Variants in GYS2 observed in about 807,000 individuals in gnomAD.
GYS2 encodes the protein glycogen synthase 2.
In GYS2, 80 loss-of-function variants were observed where a neutral mutation model predicts 85.6. The ratio of observed to expected loss-of-function variants is 0.93; its 90% CI spans 0.78 to 1.13. The LOEUF (loss-of-function observed/expected upper bound fraction) is 1.13. Among genes scored for constraint, GYS2 ranks in the 50% most tolerant of loss-of-function variants. The pLI, the probability that GYS2 is intolerant of heterozygous loss-of-function variation, is 0.00. For synonymous variants in GYS2, 328 were observed against 300.7 expected (o/e 1.09, Z -0.94); for missense variants, 881 against 854.9 (o/e 1.03, Z -0.38).
chr12:21,559,575 G>A, intron 9 of GYS2, 76 bp downstream of exon 9: 1 of 841,308 alleles, frequency 1.2e-6, no homozygotes, highest in Admixed American at 1.8e-5. Flanking sequence ...AAATTAATAA[G>A]TTATGATGTC....
At chr12:21,562,263 A>T (rs1174233943) in intron 7 of GYS2, among the ~76,000 whole-genome samples, 1 of 152,106 alleles carries the variant, frequency 6.6e-6, no homozygotes, top group East Asian at 1.9e-4. Context: ...TAAAACTCTT[A>T]GTCGCAGGGA....
intron 1 of GYS2, among the ~76,000 whole-genome samples, chr12:21,587,558 G>T (rs987552403): frequency 2.0e-5 from 3 of 152,008 alleles, no homozygotes; most frequent in African/African-American, 4.8e-5. Flanking sequence ...GGACATGTTT[G>T]TTTCTTCTTC....
chr12:21,539,461 C>A, intron 14 of GYS2, 123 bp from the exon 15 acceptor site: 3 of 722,540 alleles, frequency 4.2e-6, no homozygotes, highest in South Asian at 1.5e-5. Context: ...GTGACAGAAT[C>A]TATGCAGTCT....
rs1447152221 is a variant in GYS2, at chr12:21,546,486, T to G, written c.1423-16A>C. The G allele has an allele frequency of 3.8e-6, 6 of 1,563,214 alleles. No homozygotes were observed. Among genetic ancestry groups the G allele is most frequent in the Non-Finnish European group, 5.2e-6 (6 of 1,144,632 alleles). ...GCAAAATCACCTAAAAAAGGAAAAT[T>G]CTAATTTAAAAAAAAAGAAAAAGGA... On this transcript the variant is annotated splice_polypyrimidine_tract_variant and intron_variant, in intron 11 of 15. Coordinates refer to ENST00000261195, the MANE Select transcript of GYS2 (RefSeq NM_021957.4).
intron 5 of GYS2, 81 bp from the exon 6 acceptor site, chr12:21,563,426 A>C: frequency 2.5e-6 from 2 of 787,120 alleles, no homozygotes; most frequent in Non-Finnish European, 4.6e-6. Flanking sequence ...CTTTAAAACT[A>C]TAAAGTTAGA....
chr12:21,569,972 A>G (rs1300105475), intron 4 of GYS2, among the ~76,000 whole-genome samples: 3 of 152,138 alleles, frequency 2.0e-5, no homozygotes, highest in Non-Finnish European at 4.4e-5. Context: ...TTGATCCTTA[A>G]TCAGCCTGAC....
Position 21,540,443 on chromosome 12 carries a change from G to C in GYS2, c.1776C>G (p.Leu592=), listed in dbSNP as rs753967875. ...RIIQRNRTER[L]SDLLDWRYLG... is the part of the protein sequence containing the mutation. ...AGTATCTCCAATCCAGAAGATCTGA[G>C]AGCCTCTCAGTTCTGTTCCTCTGGA... The change falls in exon 14 of 16, where the codon CTC becomes CTG. Residue 592 remains leucine (L), a synonymous_variant. Coordinates refer to ENST00000261195, the MANE Select transcript of GYS2 (RefSeq NM_021957.4). 1 of 1,613,956 alleles carries C rather than the reference G, an allele frequency of 6.2e-7. No homozygotes were observed. The highest frequency in any genetic ancestry group is 8.5e-7 in the Non-Finnish European group (1 of 1,180,004).
chr12:21,540,343 A>G, intron 14 of GYS2, 67 bp downstream of exon 14: 1 of 1,240,762 alleles, frequency 8.1e-7, no homozygotes, highest in Non-Finnish European at 1.2e-6. Context: ...TTATGACTAG[A>G]ATCAATATGT....
chr12:21,589,744 G>A (rs943740687), intron 1 of GYS2, among the ~76,000 whole-genome samples: 1 of 152,118 alleles, frequency 6.6e-6, no homozygotes, highest in Non-Finnish European at 1.5e-5. Context: ...TGACCATGCA[G>A]GCCTTGAGAC....
intron 1 of GYS2, among the ~76,000 whole-genome samples, chr12:21,582,576 T>G (rs1301556274): frequency 6.8e-6 from 1 of 146,380 alleles, no homozygotes; most frequent in African/African-American, 2.5e-5. Context: ...TAGATATAGA[T>G]ATAGAGATAG....
chr12:21,603,132 G>A (rs776654943), intron 1 of GYS2, among the ~76,000 whole-genome samples: 3 of 152,062 alleles, frequency 2.0e-5, no homozygotes, highest in Non-Finnish European at 2.9e-5. Context: ...AAAAACACAT[G>A]CTCATTTCAG....
At chr12:21,563,116 G>A in intron 6 of GYS2, 78 bp from the exon 7 acceptor site, 2 of 1,244,424 alleles carry the variant, frequency 1.6e-6, no homozygotes, top group Admixed American at 1.7e-5. Context: ...TTCTGTTAAT[G>A]TACAAAGGGG....
intron 7 of GYS2, among the ~76,000 whole-genome samples, chr12:21,561,808 A>G: frequency 6.6e-6 from 1 of 152,162 alleles, no homozygotes; most frequent in South Asian, 2.1e-4. Flanking sequence ...TTTATTAATA[A>G]ATCGCTTGTT....
intron 1 of GYS2, among the ~76,000 whole-genome samples, chr12:21,581,155 C>T (rs1262440996): frequency 6.6e-6 from 1 of 152,188 alleles, no homozygotes; most frequent in African/African-American, 2.4e-5. Context: ...GTATTTCATT[C>T]TCACATGGTA....
chr12:21,552,421 C>T (rs1473602110), intron 11 of GYS2, among the ~76,000 whole-genome samples: 1 of 65,778 alleles, frequency 1.5e-5, no homozygotes, highest in Non-Finnish European at 3.8e-5. Context: ...CTTATCAATG[C>T]ACTCTGAGAG....
chr12:21,597,025 AC>A (rs1220896946), intron 1 of GYS2, among the ~76,000 whole-genome samples: 1 of 151,904 alleles, frequency 6.6e-6, no homozygotes, highest in Non-Finnish European at 1.5e-5. Flanking sequence ...GCCTAATACA[AC>A]CCCTATTTAT....
chr12:21,536,837 G>T lies in GYS2; in HGVS notation c.*117C>A. 2 of 743,310 alleles carry T rather than the reference G, an allele frequency of 2.7e-6. No homozygotes were observed. Among genetic ancestry groups the T allele is most frequent in the Non-Finnish European group, 4.7e-6 (2 of 427,094 alleles). The allele number at this position is 743,310 out of a possible 1,614,324, so 46.0% of individuals were successfully genotyped here. ...CAATTTCTTCCACTTTTTAGGCAGAGAATAAACTCCATTGTAATACTTAGA... is the reference window on the plus strand; with the variant it reads ...CAATTTCTTCCACTTTTTAGGCAGATAATAAACTCCATTGTAATACTTAGA... On this transcript the variant is annotated 3_prime_UTR_variant, in exon 16 of 16. Transcript: ENST00000261195.
At position 21,568,981 on chromosome 12, in the gene GYS2, C is replaced by T. The variant is rs1565603127; in HGVS notation, c.707G>A (p.Arg236Lys). ...KFNIDKEAGE[R>K]QIYHRYCMER... Reference sequence around the variant, plus strand: ...CATGCAGTACCGGTGGTAAATCTGCCTTTCCCCAGCCTCTTTGTCAATGTT... The same window carrying T: ...CATGCAGTACCGGTGGTAAATCTGCTTTTCCCCAGCCTCTTTGTCAATGTT... Residue 236 changes from arginine to lysine, a missense_variant, in exon 5 of 16, where the codon AGG becomes AAG. Transcript: ENST00000261195. The T allele has an allele frequency of 6.2e-7, 1 of 1,614,098 alleles. No individual in the cohort carries two copies. Among genetic ancestry groups the T allele is most frequent in the Admixed American group, 1.7e-5 (1 of 60,020 alleles).
chr12:21,565,890 A>G (rs1296140897), intron 5 of GYS2, among the ~76,000 whole-genome samples: 1 of 152,058 alleles, frequency 6.6e-6, no homozygotes, highest in Non-Finnish European at 1.5e-5. Context: ...TATTAGCTAG[A>G]GTTCATAGTA....
Sources: allele counts gnomAD v4.1 joint callset (sites outside exome capture counted in the v4.1 genomes callset), GRCh38; gene constraint gnomAD v4.1.1; transcripts MANE v1.5; gene names NCBI Gene and HGNC (gene_info 2026-07-23, HGNC 2026-07-21).